CRISP1: variants seen among roughly 807,000 people sequenced by gnomAD.
The protein encoded by CRISP1 is cysteine-rich secretory protein 1.
In CRISP1, 44 loss-of-function variants were observed where a neutral mutation model predicts 33.1. The ratio of observed to expected loss-of-function variants is 1.33; its 90% CI spans 1.05 to 1.71. CRISP1 has a LOEUF of 1.71. Ranked by LOEUF, CRISP1 falls within the 40% of genes most tolerant of loss-of-function variation. The probability of loss-of-function intolerance (pLI) is 0.00; values close to 1 mark genes in which losing one functional copy is unlikely to be tolerated. For synonymous variants in CRISP1, 103 were observed against 98.7 expected, an observed-to-expected ratio of 1.04 and a Z score of -0.26; for missense variants, 390 against 301.2, an observed-to-expected ratio of 1.29 and a Z score of -2.18.
In CRISP1 at chr6:49,857,035, G is replaced by A. The variant is rs188855501; in HGVS notation, c.66+300C>T. 3.4e-4 allele frequency among the ~76,000 whole-genome samples: 51 copies of A among 152,132 alleles called. No homozygotes were observed. In the East Asian group the frequency reaches 8.1e-3, roughly 24 times the overall value. ...CTCAGTTTTTTTCCTGTGTTATTCA[G>A]AGAGGCCACAATGAAATAGATATGG... is the stretch of plus-strand genomic sequence containing the variant. On this transcript the variant is annotated intron_variant, in intron 2 of 7. Transcript: ENST00000335847.
intron 5 of CRISP1, among the ~76,000 whole-genome samples, chr6:49,841,801 T>G (rs1770999169): frequency 6.6e-6 from 1 of 152,176 alleles, no homozygotes; most frequent in Non-Finnish European, 1.5e-5. Flanking sequence ...TAGGGTATAC[T>G]TAGAAGTTTG....
rs1221422863 is a variant in CRISP1 at position 49,834,789 on chromosome 6, A to G, written c.*527T>C. 6.6e-6 allele frequency: 1 copy of G among 152,394 alleles called. No individual in the cohort carries two copies. Among genetic ancestry groups the G allele is most frequent in the African/African-American group, 2.4e-5 (1 of 41,450 alleles). 9.4% of individuals were successfully genotyped at this position (152,394 alleles called of 1,614,324 possible). ...CACAAATGTATATATAGATGTGTCA[A>G]TAAAACAATGAGACATTTAAACTAC... is the stretch of plus-strand genomic sequence containing the variant. On this transcript the variant is annotated 3_prime_UTR_variant, in exon 8 of 8. Transcript: ENST00000335847.
At chr6:49,859,800 A>G (rs1771598045) in intron 1 of CRISP1, among the ~76,000 whole-genome samples, 1 of 152,202 alleles carries the variant, frequency 6.6e-6, no homozygotes, top group African/African-American at 2.4e-5. Flanking sequence ...TTAAATTTTC[A>G]ATTTAAAAAA....
At chr6:49,836,494 C>T (rs972564345) in intron 7 of CRISP1, among the ~76,000 whole-genome samples, 1 of 151,578 alleles carries the variant, frequency 6.6e-6, no homozygotes, top group African/African-American at 2.4e-5. Flanking sequence ...CGCCATCACG[C>T]CCTGCTAATT....
chr6:49,844,626 C>T (rs1771100122), intron 5 of CRISP1, among the ~76,000 whole-genome samples: 2 of 152,150 alleles, frequency 1.3e-5, no homozygotes, highest in Middle Eastern at 3.4e-3. Flanking sequence ...AAAAGGCTGC[C>T]CACAGAGCCA....
At chr6:49,873,591 A>G (rs1771972061) in intron 1 of CRISP1, among the ~76,000 whole-genome samples, 1 of 152,086 alleles carries the variant, frequency 6.6e-6, no homozygotes. Flanking sequence ...TTAAAAATGA[A>G]GTTTTCATTA....
At chr6:49,874,112 A>G (rs1185948150) in intron 1 of CRISP1, among the ~76,000 whole-genome samples, 4 of 152,112 alleles carry the variant, frequency 2.6e-5, no homozygotes, top group African/African-American at 9.7e-5. Context: ...TAGAAAAAAA[A>G]TAAACAAATG....
chr6:49,838,926 C>T (rs1223009276), intron 6 of CRISP1, among the ~76,000 whole-genome samples: 1 of 151,996 alleles, frequency 6.6e-6, no homozygotes, highest in Non-Finnish European at 1.5e-5. Flanking sequence ...TGATTCTTAC[C>T]AATGTTAAGA....
At chr6:49,838,693 T>C (rs888649527) in intron 6 of CRISP1, among the ~76,000 whole-genome samples, 168 bp from the exon 7 acceptor site, 4 of 152,182 alleles carry the variant, frequency 2.6e-5, no homozygotes, top group Non-Finnish European at 5.9e-5. Flanking sequence ...AGCTATAATA[T>C]TTTTTAGCAC....
chr6:49,874,782 T>C (rs1273539977), intron 1 of CRISP1, among the ~76,000 whole-genome samples: 2 of 152,060 alleles, frequency 1.3e-5, no homozygotes, highest in Non-Finnish European at 2.9e-5. Context: ...ACTCATCACA[T>C]AAGCAGAATT....
At chr6:49,872,661 G>A (rs1178913410) in intron 1 of CRISP1, among the ~76,000 whole-genome samples, 10 of 151,624 alleles carry the variant, frequency 6.6e-5, no homozygotes, top group South Asian at 6.2e-4. Flanking sequence ...ATAGGGAATC[G>A]TTTCCCCATT....
Position 49,838,425 on chromosome 6 carries a change from A to C in CRISP1, c.622+12T>G, listed in dbSNP as rs764629187. ...GGTTAACTGTAAACAAACAGAATGCAAACAAACTTACTGCAAAGTTTGTCT... is the reference window on the plus strand; with the variant it reads ...GGTTAACTGTAAACAAACAGAATGCCAACAAACTTACTGCAAAGTTTGTCT... On this transcript the variant is annotated intron_variant, in intron 7 of 7. Transcript: ENST00000335847. 12 of 1,603,486 alleles carry C rather than the reference A, an allele frequency of 7.5e-6. No individual in the cohort carries two copies. Among genetic ancestry groups the C allele is most frequent in the Middle Eastern group, 3.3e-4 (2 of 6,014 alleles).
intron 1 of CRISP1, among the ~76,000 whole-genome samples, chr6:49,875,119 T>G (rs189796330): frequency 3.9e-5 from 6 of 152,174 alleles, no homozygotes; most frequent in African/African-American, 1.2e-4. Context: ...GAAGTCAAAC[T>G]CTTTGTTTGC....
chr6:49,838,393 A>G (rs1459470539), intron 7 of CRISP1, 44 bp downstream of exon 7: 1 of 1,380,316 alleles, frequency 7.2e-7, no homozygotes, highest in Non-Finnish European at 1.0e-6. Flanking sequence ...TGGTTCCCAG[A>G]TCAATGGGTT....
chr6:49,840,854 G>T (rs200183256), intron 6 of CRISP1, 44 bp downstream of exon 6: 3 of 1,445,566 alleles, frequency 2.1e-6, no homozygotes, highest in Admixed American at 3.5e-5. Context: ...ACTAGATTAG[G>T]TTACTTTAGG....
chr6:49,848,172 T>TTC, intron 4 of CRISP1, 37 bp downstream of exon 4: 1 of 1,205,340 alleles, frequency 8.3e-7, no homozygotes, highest in Non-Finnish European at 1.2e-6. Flanking sequence ...TTTTTTTTTT[T>TTC]TTAGTCCAAA....
chr6:49,835,556 C>T (rs1582249913), intron 7 of CRISP1, 113 bp from the exon 8 acceptor site: 4 of 1,023,616 alleles, frequency 3.9e-6, no homozygotes, highest in East Asian at 5.2e-5. Flanking sequence ...CAATTGCTAA[C>T]TAAATTTAAT....
chr6:49,846,908 C>T (rs942215079), intron 4 of CRISP1, among the ~76,000 whole-genome samples: 17 of 152,080 alleles, frequency 1.1e-4, no homozygotes, highest in African/African-American at 4.1e-4. Flanking sequence ...ATCAAATCAT[C>T]AACATTTCAG....
chr6:49,851,890 T>A lies in CRISP1; in HGVS notation c.195+111A>T, dbSNP rs1771352187. ...TGTTTCTTCTGCTATGTAAAAGATT[T>A]GTTGTGAAGATAAAACTTTTAGCAC... On this transcript the variant is annotated intron_variant, in intron 3 of 7. Coordinates refer to ENST00000335847, the MANE Select transcript of CRISP1 (RefSeq NM_001131.3). The A allele has an allele frequency of 8.7e-6, 11 of 1,257,570 alleles. No individual in the cohort carries two copies. In the South Asian group the frequency reaches 1.7e-4, roughly 20 times the overall value. The allele number at this position is 1,257,570 out of a possible 1,614,324, so 77.9% of individuals were successfully genotyped here.
Sources: gnomAD v4.1 joint callset for allele counts (sites outside exome capture counted in the v4.1 genomes callset) on GRCh38, gnomAD v4.1.1 for gene constraint, MANE v1.5 for transcripts, NCBI Gene and HGNC (gene_info 2026-07-23, HGNC 2026-07-21) for gene names.